IL1RAPL1: variants seen among roughly 807,000 people sequenced by gnomAD.
IL1RAPL1 encodes interleukin-1 receptor accessory protein-like 1.
IL1RAPL1 carries 3 observed loss-of-function variants against 48.4 expected under a neutral mutation model. The observed-to-expected ratio is 0.06, with a 90% CI of 0.03 to 0.16. The LOEUF is 0.16. IL1RAPL1 is among the 10% of genes least tolerant of loss of function. IL1RAPL1 has a pLI of 1.00. For synonymous variants in IL1RAPL1, 185 were observed against 187.7 expected (o/e 0.99, Z 0.12); for missense variants, 349 against 530.6 (o/e 0.66, Z 3.36).
chrX:29,213,428 C>G (rs1930809555), intron 2 of IL1RAPL1, among the ~76,000 whole-genome samples: 1 of 112,921 alleles, frequency 8.9e-6, no homozygotes, highest in African/African-American at 3.2e-5. Context: ...ACTGCCTAGT[C>G]TTTGTATAGT....
intron 6 of IL1RAPL1, among the ~76,000 whole-genome samples, chrX:29,754,857 C>A (rs768890571): frequency 8.9e-6 from 1 of 112,793 alleles, no homozygotes; most frequent in South Asian, 3.6e-4. Context: ...TAAAACAATA[C>A]ACATTTATTA....
intron 3 of IL1RAPL1, among the ~76,000 whole-genome samples, chrX:29,309,559 TCC>T (rs1176938151): frequency 1.8e-5 from 2 of 112,245 alleles, no homozygotes; most frequent in African/African-American, 3.2e-5. Context: ...ACGCCTGTAA[TCC>T]CAGCACTTTG....
chrX:29,076,368 C>G (rs755661500), intron 2 of IL1RAPL1, among the ~76,000 whole-genome samples: 1 of 111,901 alleles, frequency 8.9e-6, no homozygotes, highest in African/African-American at 3.2e-5. Context: ...GTATACCTAC[C>G]TCCAAACAGT....
At chrX:29,608,481 A>G (rs369642468) in intron 5 of IL1RAPL1, among the ~76,000 whole-genome samples, 1 of 109,951 alleles carries the variant, frequency 9.1e-6, no homozygotes, top group East Asian at 2.8e-4. Flanking sequence ...AAGGAGGAAA[A>G]GTAGGAAAGA....
intron 2 of IL1RAPL1, among the ~76,000 whole-genome samples, chrX:29,023,436 T>C (rs1926415270): frequency 8.9e-6 from 1 of 112,512 alleles, no homozygotes; most frequent in Non-Finnish European, 1.9e-5. Flanking sequence ...CATAGATTAG[T>C]CTAAAGAGAA....
At position 29,752,076 on chromosome X, in the gene IL1RAPL1, G is replaced by GTATATA. The variant is rs200322927; in HGVS notation, c.778+83575_778+83576insATATAT. 1.1e-4 allele frequency among the ~76,000 whole-genome samples: 10 copies of GTATATA among 89,462 alleles called. No homozygotes were observed. In the East Asian group the frequency reaches 2.0e-3, roughly 18 times the overall value. 77.7% of individuals were successfully genotyped at this position (89,462 alleles called of 115,157 possible). A position where few individuals can be genotyped will look rare whatever the true frequency, so the allele number is the denominator to read the frequency against. On this transcript the variant is annotated intron_variant, in intron 6 of 10. Coordinates refer to ENST00000378993, the MANE Select transcript of IL1RAPL1 (RefSeq NM_014271.4). ...TATATATATATGTATATATATGTGT[G>GTATATA]TATGTATATATATATATATATATAT...
At chrX:28,719,795 T>G (rs972196991) in intron 1 of IL1RAPL1, among the ~76,000 whole-genome samples, 2 of 111,159 alleles carry the variant, frequency 1.8e-5, no homozygotes, top group Non-Finnish European at 3.8e-5. Context: ...TGGAGCAGAT[T>G]AAAGGTCAGG....
chrX:29,191,007 A>G (rs1259757537), intron 2 of IL1RAPL1, among the ~76,000 whole-genome samples: 2 of 111,797 alleles, frequency 1.8e-5, no homozygotes, highest in Non-Finnish European at 3.8e-5. Flanking sequence ...TTGATATTAT[A>G]TTCTCTGAAA....
At chrX:29,449,733 A>G (rs1934653669) in intron 5 of IL1RAPL1, among the ~76,000 whole-genome samples, 1 of 75,873 alleles carries the variant, frequency 1.3e-5, no homozygotes, top group Non-Finnish European at 2.5e-5. Context: ...ATGCATACAT[A>G]TGCATACACA....
intron 5 of IL1RAPL1, among the ~76,000 whole-genome samples, chrX:29,629,360 T>G (rs936012171): frequency 9.0e-6 from 1 of 111,533 alleles, no homozygotes; most frequent in African/African-American, 3.3e-5. Context: ...TTGGTAGTTT[T>G]TTTTTTTAAT....
intron 2 of IL1RAPL1, among the ~76,000 whole-genome samples, chrX:28,957,644 A>G (rs192285084): frequency 1.9e-5 from 2 of 107,729 alleles, no homozygotes; most frequent in Admixed American, 2.0e-4. Flanking sequence ...CACTTGTAGA[A>G]CGGGATTTAG....
chrX:29,885,082 C>G, intron 6 of IL1RAPL1, among the ~76,000 whole-genome samples: 1 of 111,433 alleles, frequency 9.0e-6, no homozygotes, highest in African/African-American at 3.3e-5. Context: ...CTTTCTTATG[C>G]CACAACAGCC....
Position 29,907,612 on chromosome X carries a change from C to T in IL1RAPL1, c.779-9852C>T, listed in dbSNP as rs749923906. On this transcript the variant is annotated intron_variant, in intron 6 of 10. Transcript: ENST00000378993. ...TTTCAAAGAGTTGTACCACTGCCTG[C>T]GGGATAAACATGATGTTGTTTTTTT... Among the ~76,000 whole-genome samples the T allele has an allele frequency of 1.8e-3, 202 of 111,674 alleles. 1 individual carries two copies. Among genetic ancestry groups the T allele is most frequent in the Admixed American group, 3.1e-3 (33 of 10,479 alleles).
intron 2 of IL1RAPL1, among the ~76,000 whole-genome samples, chrX:28,897,291 G>A (rs1256008294): frequency 5.4e-5 from 6 of 111,587 alleles, no homozygotes; most frequent in South Asian, 3.8e-4. Flanking sequence ...GCGTCCCTGC[G>A]TGGCCAGAGA....
intron 6 of IL1RAPL1, among the ~76,000 whole-genome samples, chrX:29,884,187 G>C (rs969569067): frequency 9.0e-6 from 1 of 111,538 alleles, no homozygotes; most frequent in Non-Finnish European, 1.9e-5. Context: ...CTATTCATTC[G>C]AGACAAACCC....
chrX:28,735,604 C>G (rs1472994709), intron 1 of IL1RAPL1, among the ~76,000 whole-genome samples: 1 of 108,527 alleles, frequency 9.2e-6, no homozygotes, highest in Non-Finnish European at 1.9e-5. Context: ...ATAGCAAGAC[C>G]CCATGTCTTA....
At chrX:29,182,845 A>G (rs893901701) in intron 2 of IL1RAPL1, among the ~76,000 whole-genome samples, 4 of 111,583 alleles carry the variant, frequency 3.6e-5, no homozygotes, top group Non-Finnish European at 5.6e-5. Flanking sequence ...TAGATTATCC[A>G]GGTGGACTCA....
intron 5 of IL1RAPL1, among the ~76,000 whole-genome samples, chrX:29,569,868 T>G (rs1409007345): frequency 8.9e-6 from 1 of 112,105 alleles, no homozygotes; most frequent in Non-Finnish European, 1.9e-5. Flanking sequence ...CCTGGTTTTT[T>G]GTAGCCAGGT....
chrX:28,592,789 G>T (rs763066520), intron 1 of IL1RAPL1, among the ~76,000 whole-genome samples: 22 of 111,739 alleles, frequency 2.0e-4, no homozygotes, highest in Admixed American at 4.8e-4. Context: ...CCAGTGTCTT[G>T]CTTTTCTTTT....
Sources: allele counts gnomAD v4.1 joint callset (sites outside exome capture counted in the v4.1 genomes callset), GRCh38; gene constraint gnomAD v4.1.1; transcripts MANE v1.5; gene names NCBI Gene and HGNC (gene_info 2026-07-23, HGNC 2026-07-21).